Variants in PRKN observed in about 807,000 individuals in gnomAD.
PRKN encodes the protein parkin RBR E3 ubiquitin protein ligase.
In PRKN, 56 loss-of-function variants were observed where a neutral mutation model predicts 59.5. The ratio of observed to expected loss-of-function variants is 0.94; its 90% confidence interval spans 0.76 to 1.18. The LOEUF (loss-of-function observed/expected upper bound fraction) is 1.18. PRKN is among the 50% of genes most tolerant of loss of function. The pLI is 0.00. For missense variants in PRKN, 657 were observed against 596.4 expected (o/e 1.10, Z -1.06); for synonymous variants, 250 against 222.1 (o/e 1.13, Z -1.12).
intron 6 of PRKN, among the ~76,000 whole-genome samples, chr6:161,824,448 C>T (rs1445602033): frequency 6.6e-6 from 1 of 152,168 alleles, no homozygotes; most frequent in African/African-American, 2.4e-5. Flanking sequence ...AGAGAATTTA[C>T]CGGTATTTCC....
intron 6 of PRKN, among the ~76,000 whole-genome samples, chr6:161,889,145 A>C (rs1795252401): frequency 6.6e-6 from 1 of 152,192 alleles, no homozygotes; most frequent in Non-Finnish European, 1.5e-5. Flanking sequence ...TCCAAGGTAA[A>C]AAGACGAAGA....
At chr6:162,222,310 C>A (rs754882220) in intron 3 of PRKN, among the ~76,000 whole-genome samples, 2 of 152,094 alleles carry the variant, frequency 1.3e-5, no homozygotes, top group African/African-American at 2.4e-5. Context: ...TTGAATTAAT[C>A]CAAAAGGAGA....
intron 1 of PRKN, among the ~76,000 whole-genome samples, chr6:162,560,958 G>A (rs1779814751): frequency 6.7e-6 from 1 of 150,004 alleles, no homozygotes; most frequent in Non-Finnish European, 1.5e-5. Flanking sequence ...CCAGGTAACA[G>A]AAAAGACTTT....
At chr6:161,665,791 G>C (rs1233995868) in intron 7 of PRKN, among the ~76,000 whole-genome samples, 2 of 152,148 alleles carry the variant, frequency 1.3e-5, no homozygotes, top group Admixed American at 1.3e-4. Flanking sequence ...AGTCTTATAT[G>C]AACGCCCATT....
chr6:161,779,659 G>A (rs2128205455), intron 7 of PRKN, among the ~76,000 whole-genome samples: 1 of 151,648 alleles, frequency 6.6e-6, no homozygotes, highest in African/African-American at 2.4e-5. Flanking sequence ...TGGCCTGGCT[G>A]GTCTCATGCC....
intron 1 of PRKN, among the ~76,000 whole-genome samples, chr6:162,661,137 T>C (rs895754990): frequency 3.3e-5 from 5 of 152,220 alleles, no homozygotes; most frequent in Non-Finnish European, 5.9e-5. Flanking sequence ...GGCGCATGCC[T>C]GTAGTCCCAG....
rs563120061 is a variant in PRKN, at chr6:162,289,260, G to C, written c.172-26495C>G. Among the ~76,000 whole-genome samples, 409 of 152,162 alleles carry C rather than the reference G, an allele frequency of 2.7e-3. 6 individuals carry two copies. The highest frequency in any genetic ancestry group is 9.6e-3 in the African/African-American group (400 of 41,548). On this transcript the variant is annotated intron_variant, in intron 2 of 11. Transcript: ENST00000366898. The stretch of plus-strand genomic sequence containing the variant: ...TGCACATCGTCCTGCCTCTGTGCTT[G>C]TCTGTCTCACTTTTTTTCCCCTTTT...
In PRKN at chr6:161,498,130, G is replaced by GA. The variant is rs1777821687; in HGVS notation, c.1083+50723dup. On this transcript the variant is annotated intron_variant, in intron 9 of 11. Coordinates refer to ENST00000366898, the MANE Select transcript of PRKN (RefSeq NM_004562.3). The surrounding 1 kb of genome is among the most constrained non-coding windows in gnomAD (Gnocchi z 4.2). Reference sequence around the variant, plus strand: ...TTAGATTGGTTAAATTCACATGTGGGAAAAAAGACAAATTATTGTTAATCA... The same window carrying GA: ...TTAGATTGGTTAAATTCACATGTGGGAAAAAAAGACAAATTATTGTTAATCA... Among the ~76,000 whole-genome samples the GA allele has an allele frequency of 6.6e-6, 1 of 151,916 alleles. No individual in the cohort carries two copies. Among genetic ancestry groups the GA allele is most frequent in the Admixed American group, 6.6e-5 (1 of 15,260 alleles).
chr6:162,278,929 T>A (rs968784937), intron 2 of PRKN, among the ~76,000 whole-genome samples: 4 of 152,140 alleles, frequency 2.6e-5, no homozygotes, highest in Non-Finnish European at 4.4e-5. Flanking sequence ...TGGAGAAAGG[T>A]TGTACAGATA....
intron 3 of PRKN, among the ~76,000 whole-genome samples, chr6:162,237,025 C>CTT (rs1278720247): frequency 1.1e-4 from 17 of 152,140 alleles, no homozygotes; most frequent in Non-Finnish European, 2.9e-5. Flanking sequence ...ACCCATCCTC[C>CTT]TCCCACTATT....
intron 2 of PRKN, among the ~76,000 whole-genome samples, chr6:162,302,959 A>G (rs1357589096): frequency 2.1e-5 from 1 of 48,214 alleles, no homozygotes; most frequent in Non-Finnish European, 5.1e-5. Flanking sequence ...ATATGCCTTA[A>G]ACATACACAC....
intron 1 of PRKN, among the ~76,000 whole-genome samples, chr6:162,480,064 C>CAAAA (rs59112045): frequency 3.5e-5 from 5 of 141,654 alleles, no homozygotes; most frequent in African/African-American, 1.3e-4. Flanking sequence ...GATTTTGTCT[C>CAAAA]AAAAAAAAAA....
intron 1 of PRKN, among the ~76,000 whole-genome samples, chr6:162,636,824 G>C (rs1777731558): frequency 6.6e-6 from 1 of 151,980 alleles, no homozygotes; most frequent in Admixed American, 6.5e-5. Flanking sequence ...GTCTCATCTG[G>C]GAATGGTGGC....
intron 1 of PRKN, among the ~76,000 whole-genome samples, chr6:162,710,374 AACACACACACACACAC>A (rs138911423): frequency 3.2e-5 from 4 of 125,242 alleles, no homozygotes; most frequent in African/African-American, 1.4e-4. Context: ...ACCCCCTACA[AACACACACACACACAC>A]ACACACACAC....
chr6:161,793,835 T>A (rs998656783), intron 6 of PRKN, among the ~76,000 whole-genome samples: 1 of 152,234 alleles, frequency 6.6e-6, no homozygotes, highest in African/African-American at 2.4e-5. Flanking sequence ...TGTAAATATG[T>A]TACAAAGGAT....
At chr6:161,709,209 T>C (rs924034927) in intron 7 of PRKN, among the ~76,000 whole-genome samples, 1 of 152,210 alleles carries the variant, frequency 6.6e-6, no homozygotes, top group East Asian at 1.9e-4. Context: ...AGGAGATCTC[T>C]GCTACAATTG....
At chr6:162,588,514 G>A (rs1045963736) in intron 1 of PRKN, among the ~76,000 whole-genome samples, 1 of 152,112 alleles carries the variant, frequency 6.6e-6, no homozygotes, top group African/African-American at 2.4e-5. Flanking sequence ...GTGTCCCTGT[G>A]CTTTGTGCGG....
chr6:162,156,244 A>T (rs984541496), intron 4 of PRKN, among the ~76,000 whole-genome samples: 1 of 152,200 alleles, frequency 6.6e-6, no homozygotes, highest in African/African-American at 2.4e-5. Flanking sequence ...CAAAAGTAAC[A>T]TTACTTGATG....
At chr6:162,307,774 A>G (rs1017420597) in intron 2 of PRKN, among the ~76,000 whole-genome samples, 20 of 152,194 alleles carry the variant, frequency 1.3e-4, no homozygotes, top group Non-Finnish European at 2.8e-4. Context: ...AACAACATCC[A>G]TGCTCCCAAA....
Sources: allele counts gnomAD v4.1 joint callset (sites outside exome capture counted in the v4.1 genomes callset), GRCh38; gene constraint gnomAD v4.1.1; non-coding constraint Gnocchi (gnomAD v3.1); transcripts MANE v1.5; gene names NCBI Gene and HGNC (gene_info 2026-07-23, HGNC 2026-07-21).